MTHFS: variants seen among roughly 807,000 people sequenced by gnomAD.
MTHFS encodes 5-formyltetrahydrofolate cyclo-ligase.
MTHFS carries 7 observed loss-of-function variants against 12.7 expected under a neutral mutation model. The observed-to-expected ratio is 0.55, with a 90% confidence interval of 0.31 to 1.03. The LOEUF (loss-of-function observed/expected upper bound fraction) is 1.03. Ranked by LOEUF, MTHFS falls within the 50% of genes least tolerant of loss-of-function variation. The pLI, the probability that MTHFS is intolerant of heterozygous loss-of-function variation, is 0.05. For missense variants in MTHFS, 252 were observed against 258.1 expected, an observed-to-expected ratio of 0.98 and a Z score of 0.16; for synonymous variants, 100 against 97.1, an observed-to-expected ratio of 1.03 and a Z score of -0.18.
At chr15:79,873,858 T>A (rs970506295) in intron 2 of MTHFS, among the ~76,000 whole-genome samples, 2 of 152,178 alleles carry the variant, frequency 1.3e-5, no homozygotes, top group Non-Finnish European at 2.9e-5. Context: ...TAATCCCAGT[T>A]GGTGTAAGAG....
intron 2 of MTHFS, chr15:79,875,876 T>C (rs934134): frequency 0.5 from 75,200 of 151,884 alleles, 18,842 homozygotes; most frequent in South Asian, 0.57. Context: ...AAAAAGGCAA[T>C]GTAATTAAAA....
At chr15:79,873,721 A>T (rs1297384806) in intron 2 of MTHFS, among the ~76,000 whole-genome samples, 1 of 152,160 alleles carries the variant, frequency 6.6e-6, no homozygotes, top group Non-Finnish European at 1.5e-5. Context: ...TTTTACCAAT[A>T]TGGGGCTGGC....
At chr15:79,850,274 A>T (rs565615797) in intron 2 of MTHFS, among the ~76,000 whole-genome samples, 2 of 152,244 alleles carry the variant, frequency 1.3e-5, no homozygotes, top group African/African-American at 2.4e-5. Context: ...GAGCTTTTAC[A>T]ATCTTACCTT....
chr15:79,858,015 CA>C (rs71453466), intron 2 of MTHFS, among the ~76,000 whole-genome samples: 154 of 59,462 alleles, frequency 2.6e-3, no homozygotes, highest in African/African-American at 5.4e-3. Flanking sequence ...GACTCCATCT[CA>C]AAAAAAAAAA....
rs529626418 is a variant in MTHFS, at chr15:79,844,899, C to T, written c.*311G>A. 72 of 354,562 alleles carry T rather than the reference C, an allele frequency of 2.0e-4. No homozygotes were observed. The highest frequency in any genetic ancestry group is 1.9e-3 in the South Asian group (68 of 35,646). 22.0% of individuals were successfully genotyped at this position (354,562 alleles called of 1,614,324 possible). ...AGTTTACCTTCCTCTCGCACTCAGT[C>T]GGAGCACAGTTCCTCATAAATATTT... is the stretch of plus-strand genomic sequence containing the variant. On this transcript the variant is annotated 3_prime_UTR_variant, in exon 3 of 3. Coordinates refer to ENST00000258874, the MANE Select transcript of MTHFS (RefSeq NM_006441.4).
At chr15:79,852,948 GA>G (rs982105974) in intron 2 of MTHFS, among the ~76,000 whole-genome samples, 1 of 152,176 alleles carries the variant, frequency 6.6e-6, no homozygotes, top group African/African-American at 2.4e-5. Flanking sequence ...AAGCTAATAA[GA>G]AATGTGGATA....
intron 2 of MTHFS, among the ~76,000 whole-genome samples, chr15:79,886,225 G>A (rs1372422321): frequency 6.6e-6 from 1 of 152,208 alleles, no homozygotes; most frequent in African/African-American, 2.4e-5. Context: ...ACCAACGACA[G>A]CCTGAGCTCT....
chr15:79,853,887 G>A (rs192028317), intron 2 of MTHFS, among the ~76,000 whole-genome samples: 12 of 152,314 alleles, frequency 7.9e-5, no homozygotes, highest in Admixed American at 7.8e-4. Flanking sequence ...GAAAAATGAA[G>A]TTGCTCTTTT....
intron 2 of MTHFS, 77 bp downstream of exon 2, chr15:79,889,016 G>A (rs1215873835): frequency 1.3e-6 from 2 of 1,556,680 alleles, no homozygotes; most frequent in Admixed American, 3.7e-5. Flanking sequence ...AACTCCCACT[G>A]ACCCACACAT....
chr15:79,869,744 ATTTT>A (rs760439511), intron 2 of MTHFS, among the ~76,000 whole-genome samples: 3 of 152,140 alleles, frequency 2.0e-5, no homozygotes, highest in Non-Finnish European at 4.4e-5. Context: ...CACTTAACAG[ATTTT>A]TTTAAAAGAT....
At chr15:79,877,901 T>C (rs2034229509) in intron 2 of MTHFS, 1 of 152,024 alleles carries the variant, frequency 6.6e-6, no homozygotes, top group African/African-American at 2.4e-5. Flanking sequence ...AAGAATTTCA[T>C]ATTCAGCAAA....
At chr15:79,894,674 T>C (rs1367440950) in intron 1 of MTHFS, among the ~76,000 whole-genome samples, 1 of 152,148 alleles carries the variant, frequency 6.6e-6, no homozygotes, top group Non-Finnish European at 1.5e-5. Context: ...ATTTTCCCCA[T>C]GCCCCTCCAA....
At chr15:79,875,520 A>G (rs1329503949) in intron 2 of MTHFS, among the ~76,000 whole-genome samples, 6 of 152,176 alleles carry the variant, frequency 3.9e-5, no homozygotes, top group African/African-American at 1.4e-4. Context: ...ACAACCAAAT[A>G]TCCATATACA....
chr15:79,845,279 G>A lies in MTHFS; in HGVS notation c.543C>T (p.Leu181=), dbSNP rs2141335758. The A allele has an allele frequency of 6.2e-7, 1 of 1,614,170 alleles. No individual in the cohort carries two copies. The highest frequency in any genetic ancestry group is 2.2e-5 in the East Asian group (1 of 44,880). The change falls in exon 3 of 3, where the codon CTC becomes CTT. Residue 181 remains leucine, a synonymous_variant. Transcript: ENST00000258874. ...TGTCGTTTTCATTCACTGGGACCTG[G>A]AGGCAAATCTGTTCTTTGAAAGCCA... is the stretch of plus-strand genomic sequence containing the variant. ...LALAFKEQIC[L]QVPVNENDMK... is the part of the protein sequence containing the mutation.
At chr15:79,861,195 G>C (rs1381075504) in intron 2 of MTHFS, among the ~76,000 whole-genome samples, 1 of 152,148 alleles carries the variant, frequency 6.6e-6, no homozygotes, top group Non-Finnish European at 1.5e-5. Flanking sequence ...CAGAGGCTTA[G>C]GTGAAGGGGT....
chr15:79,888,313 G>A (rs940518522), intron 2 of MTHFS, among the ~76,000 whole-genome samples: 43 of 152,146 alleles, frequency 2.8e-4, no homozygotes, highest in African/African-American at 9.9e-4. Context: ...AAGATAGCAG[G>A]GCCAAGATTA....
At chr15:79,879,270 G>A (rs2034254088) in intron 2 of MTHFS, among the ~76,000 whole-genome samples, 1 of 150,856 alleles carries the variant, frequency 6.6e-6, no homozygotes, top group South Asian at 2.1e-4. Flanking sequence ...CCTGCCCACA[G>A]AGGCAAAGTT....
At chr15:79,896,501 A>G (rs1220877739) in intron 1 of MTHFS, among the ~76,000 whole-genome samples, 1 of 152,126 alleles carries the variant, frequency 6.6e-6, no homozygotes, top group African/African-American at 2.4e-5. Context: ...CATCTCCTCT[A>G]CCACAACTTT....
intron 2 of MTHFS, among the ~76,000 whole-genome samples, chr15:79,857,396 A>G (rs1305207514): frequency 6.6e-6 from 1 of 152,118 alleles, no homozygotes; most frequent in Non-Finnish European, 1.5e-5. Flanking sequence ...TTTTTACTGA[A>G]CTGTTAAATG....
Sources: allele counts gnomAD v4.1 joint callset (sites outside exome capture counted in the v4.1 genomes callset), GRCh38; gene constraint gnomAD v4.1.1; transcripts MANE v1.5; gene names NCBI Gene and HGNC (gene_info 2026-07-23, HGNC 2026-07-21).